The following COMMD1 variants were observed in gnomAD, a reference collection of about 807,000 sequenced individuals.
The protein encoded by COMMD1 is COMM domain-containing protein 1.
In COMMD1, 10 loss-of-function variants were observed where a neutral mutation model predicts 17.2. The ratio of observed to expected loss-of-function variants is 0.58; its 90% CI spans 0.36 to 0.99. COMMD1 has a LOEUF of 0.99. Ranked by LOEUF, COMMD1 falls within the 50% of genes least tolerant of loss-of-function variation. COMMD1 has a pLI of 0.01. For synonymous variants in COMMD1, 97 were observed against 91.6 expected (o/e 1.06, Z -0.34); for missense variants, 270 against 231.8 (o/e 1.17, Z -1.07).
chr2:62,070,583 A>G (rs1423282982), intron 2 of COMMD1, among the ~76,000 whole-genome samples: 1 of 151,904 alleles, frequency 6.6e-6, no homozygotes, highest in East Asian at 1.9e-4. Context: ...AGATAAAAGA[A>G]AAGGAAACAA....
chr2:61,888,638 G>A (rs974877146), upstream of COMMD1: 18 of 1,072,010 alleles, frequency 1.7e-5, no homozygotes, highest in Non-Finnish European at 2.2e-5. Flanking sequence ...GGCGTCGGGA[G>A]GAGGCGGAGG....
intron 2 of COMMD1, among the ~76,000 whole-genome samples, chr2:62,091,708 C>T (rs1053052657): frequency 1.3e-5 from 2 of 152,172 alleles, no homozygotes; most frequent in African/African-American, 4.8e-5. Flanking sequence ...CAGCCACAAG[C>T]ACGGGGCTGG....
intron 2 of COMMD1, among the ~76,000 whole-genome samples, chr2:62,034,707 A>C (rs1669996054): frequency 6.6e-6 from 1 of 152,200 alleles, no homozygotes; most frequent in African/African-American, 2.4e-5. Flanking sequence ...GTTGCCAGTC[A>C]CTATGTGTAT....
chr2:61,977,558 T>A (rs1263559203), intron 1 of COMMD1, among the ~76,000 whole-genome samples: 2 of 152,154 alleles, frequency 1.3e-5, no homozygotes, highest in Non-Finnish European at 2.9e-5. Context: ...TGCTAATTTT[T>A]AAAAATGCAT....
intron 2 of COMMD1, among the ~76,000 whole-genome samples, chr2:62,013,359 C>T (rs997123739): frequency 3.3e-5 from 5 of 151,998 alleles, no homozygotes; most frequent in African/African-American, 7.3e-5. Context: ...ATTAATATTC[C>T]ACTCCAAAAA....
rs113854177 is a variant in COMMD1, at chr2:62,066,603, A to G, written c.462+65621A>G. ...TTTTTAGTAGAGACAGGGTTTCACCATGTTAGCCAGGATGGTCTCCATCTC... is the reference window on the plus strand; with the variant it reads ...TTTTTAGTAGAGACAGGGTTTCACCGTGTTAGCCAGGATGGTCTCCATCTC... On this transcript the variant is annotated intron_variant, in intron 2 of 2. Coordinates refer to ENST00000311832, the MANE Select transcript of COMMD1 (RefSeq NM_152516.4). Among the ~76,000 whole-genome samples, 153 of 151,724 alleles carry G rather than the reference A, an allele frequency of 1.0e-3. 1 individual carries two copies. In the South Asian group the frequency reaches 0.01, roughly 10 times the overall value.
chr2:61,894,666 GAT>G (rs912183789), intron 1 of COMMD1, among the ~76,000 whole-genome samples: 2 of 149,350 alleles, frequency 1.3e-5, no homozygotes, highest in South Asian at 2.1e-4. Context: ...ATAGAATGAT[GAT>G]ATATATATAT....
At chr2:62,026,121 A>C (rs1669749278) in intron 2 of COMMD1, among the ~76,000 whole-genome samples, 1 of 152,176 alleles carries the variant, frequency 6.6e-6, no homozygotes. Flanking sequence ...GTCAGACTTT[A>C]TATAAAACTC....
chr2:61,956,843 C>T (rs767926825), intron 1 of COMMD1, among the ~76,000 whole-genome samples: 2 of 152,042 alleles, frequency 1.3e-5, no homozygotes, highest in African/African-American at 2.4e-5. Flanking sequence ...CTTTGCCTCC[C>T]GAGTTCAAGC....
rs188771473 is a variant in COMMD1 at position 61,938,320 on chromosome 2, C to T, written c.180+32462C>T. 2.0e-3 allele frequency among the ~76,000 whole-genome samples: 301 copies of T among 151,052 alleles called. 9 individuals carry two copies. The highest frequency in any genetic ancestry group is 1.5e-3 in the Non-Finnish European group (99 of 67,858). On this transcript the variant is annotated intron_variant, in intron 1 of 2. Transcript: ENST00000311832. Reference sequence around the variant, plus strand: ...ATGGTGAGGTATGATCTTCTGGGGGCACGCTCCACTGGAAAAGGGAAGGAA... The same window carrying T: ...ATGGTGAGGTATGATCTTCTGGGGGTACGCTCCACTGGAAAAGGGAAGGAA...
chr2:62,023,306 G>A (rs1669664081), intron 2 of COMMD1, among the ~76,000 whole-genome samples: 1 of 150,942 alleles, frequency 6.6e-6, no homozygotes, highest in African/African-American at 2.4e-5. Flanking sequence ...ATGGAAAATG[G>A]AATAAGGGAA....
chr2:62,044,570 G>C (rs867277896), intron 2 of COMMD1, among the ~76,000 whole-genome samples: 1 of 152,266 alleles, frequency 6.6e-6, no homozygotes. Context: ...CTCCAAAAAA[G>C]CTTCCTGCTT....
chr2:62,015,722 T>C (rs1669424317), intron 2 of COMMD1, among the ~76,000 whole-genome samples: 1 of 150,804 alleles, frequency 6.6e-6, no homozygotes, highest in African/African-American at 2.4e-5. Flanking sequence ...TTTTTTTTTT[T>C]GATAGTTGTC....
At chr2:61,980,713 G>A (rs913355376) in intron 1 of COMMD1, among the ~76,000 whole-genome samples, 43 of 149,860 alleles carry the variant, frequency 2.9e-4, no homozygotes, top group Non-Finnish European at 4.9e-4. Context: ...TGTTCACTCT[G>A]ATGGTAGTTT....
intron 2 of COMMD1, among the ~76,000 whole-genome samples, chr2:62,123,380 C>G (rs1340135878): frequency 6.6e-6 from 1 of 151,382 alleles, no homozygotes; most frequent in East Asian, 1.9e-4. Flanking sequence ...TGGCGCGCAC[C>G]TGTAGTACCA....
chr2:62,047,188 C>A (rs146801212), intron 2 of COMMD1, among the ~76,000 whole-genome samples: 2 of 152,102 alleles, frequency 1.3e-5, no homozygotes, highest in Non-Finnish European at 2.9e-5. Context: ...CCATAATGAT[C>A]TTTTAGTCAA....
chr2:62,006,270 A>G (rs1394479835), intron 2 of COMMD1, among the ~76,000 whole-genome samples: 1 of 151,674 alleles, frequency 6.6e-6, no homozygotes, highest in African/African-American at 2.4e-5. Flanking sequence ...TGGGTGCAGC[A>G]CACCAGCATG....
rs758814066 is a variant in COMMD1, at chr2:62,000,862, C to T, written c.342C>T (p.Arg114=). 4 of 1,614,148 alleles carry T rather than the reference C, an allele frequency of 2.5e-6. No homozygotes were observed. The highest frequency in any genetic ancestry group is 3.4e-6 in the Non-Finnish European group (4 of 1,180,030). The change falls in exon 2 of 3, where the codon CGC becomes CGT. Residue 114 remains arginine (R), a synonymous_variant. Transcript: ENST00000311832. The part of the protein sequence containing the change: ...KIRESLMNQS[R]WNSGLRGLSW... ...GTGAGAGCCTCATGAACCAGAGCCG[C>T]TGGAATAGCGGGCTTCGGGGCCTGA...
rs1284159001 is a variant in COMMD1, at chr2:61,939,201, C to T, written c.180+33343C>T. Among the ~76,000 whole-genome samples the T allele has an allele frequency of 2.0e-5, 3 of 151,778 alleles. No individual in the cohort carries two copies. The South Asian group carries it at 6.2e-4, about 32-fold the overall frequency. On this transcript the variant is annotated intron_variant, in intron 1 of 2. Transcript: ENST00000311832. ...GGGCGCGGTGGCTCACACCTGTAAT[C>T]CCAGCGCTTTGGGAGGCTGAGGCGG...
Sources: gnomAD v4.1 joint callset for allele counts (sites outside exome capture counted in the v4.1 genomes callset) on GRCh38, gnomAD v4.1.1 for gene constraint, MANE v1.5 for transcripts, NCBI Gene and HGNC (gene_info 2026-07-23, HGNC 2026-07-21) for gene names.